The following NLGN1 variants were observed in gnomAD, a reference collection of about 807,000 sequenced individuals.
NLGN1 encodes neuroligin-1.
A neutral mutation model predicts 65.5 loss-of-function variants in NLGN1; 12 were observed. That is an observed-to-expected ratio of 0.18 (90% confidence interval 0.12 to 0.30). The LOEUF is 0.30. Ranked by LOEUF, NLGN1 falls within the 10% of genes least tolerant of loss-of-function variation. The pLI is 1.00. For missense variants in NLGN1, 750 were observed against 1,007.1 expected, an observed-to-expected ratio of 0.74 and a Z score of 3.46; for synonymous variants, 350 against 359.5, an observed-to-expected ratio of 0.97 and a Z score of 0.30.
At chr3:174,096,068 A>G (rs1745470390) in intron 4 of NLGN1, among the ~76,000 whole-genome samples, 1 of 151,820 alleles carries the variant, frequency 6.6e-6, no homozygotes, top group Admixed American at 6.6e-5. Context: ...AGCCTTATAT[A>G]CAAAGAGTGA....
intron 3 of NLGN1, among the ~76,000 whole-genome samples, chr3:173,691,437 G>T (rs1038183398): frequency 2.0e-5 from 3 of 151,916 alleles, no homozygotes; most frequent in African/African-American, 7.3e-5. Context: ...ATACAGTTTT[G>T]TTCAGTAGCT....
intron 4 of NLGN1, among the ~76,000 whole-genome samples, chr3:173,908,080 CT>C (rs1738823202): frequency 6.6e-6 from 1 of 152,150 alleles, no homozygotes; most frequent in South Asian, 2.1e-4. Context: ...AACAGGACAA[CT>C]TTTATAAAAA....
intron 4 of NLGN1, among the ~76,000 whole-genome samples, chr3:174,177,257 G>C (rs1039711428): frequency 1.3e-5 from 2 of 151,608 alleles, no homozygotes; most frequent in Non-Finnish European, 1.5e-5. Context: ...TCTAACAGAG[G>C]GTATTATAGG....
At chr3:173,541,733 A>G (rs1260206278) in intron 2 of NLGN1, among the ~76,000 whole-genome samples, 2 of 152,092 alleles carry the variant, frequency 1.3e-5, no homozygotes, top group Non-Finnish European at 2.9e-5. Flanking sequence ...GTAGTGCATT[A>G]CTTCAAAAGT....
intron 2 of NLGN1, among the ~76,000 whole-genome samples, chr3:173,516,169 T>C (rs895303288): frequency 6.6e-6 from 1 of 152,058 alleles, no homozygotes; most frequent in African/African-American, 2.4e-5. Flanking sequence ...TCCCTGATGA[T>C]AGTGACAGAT....
At chr3:173,492,454 A>G (rs993462847) in intron 2 of NLGN1, among the ~76,000 whole-genome samples, 5 of 151,814 alleles carry the variant, frequency 3.3e-5, no homozygotes, top group African/African-American at 1.2e-4. Context: ...CTTATGGGTC[A>G]ATCAAGCTGT....
At position 174,097,938 on chromosome 3, in the gene NLGN1, G is replaced by A. The variant is rs760635558; in HGVS notation, c.647-177377G>A. Among the ~76,000 whole-genome samples, 3 of 152,138 alleles carry A rather than the reference G, an allele frequency of 2.0e-5. 1 individual carries two copies. Among genetic ancestry groups the A allele is most frequent in the South Asian group, 2.1e-4 (1 of 4,830 alleles). ...TAACTGCCCGCCATTTAACTAACTCGTGTAGCTCTAAGCATGTGTCTGGAT... is the reference window on the plus strand; with the variant it reads ...TAACTGCCCGCCATTTAACTAACTCATGTAGCTCTAAGCATGTGTCTGGAT... On this transcript the variant is annotated intron_variant, in intron 4 of 6. Coordinates refer to ENST00000457714, the Ensembl canonical transcript of NLGN1.
intron 4 of NLGN1, among the ~76,000 whole-genome samples, chr3:173,809,625 G>A (rs978467863): frequency 2.0e-5 from 3 of 152,058 alleles, no homozygotes; most frequent in African/African-American, 4.8e-5. Flanking sequence ...TATTGGTTCT[G>A]TTTATATAAA....
At chr3:173,944,050 CA>C (rs973373484) in intron 4 of NLGN1, among the ~76,000 whole-genome samples, 25 of 151,522 alleles carry the variant, frequency 1.6e-4, no homozygotes, top group African/African-American at 6.1e-4. Context: ...AAGAAAAATA[CA>C]AAAACAAGGA....
At chr3:173,955,695 C>T (rs918439032) in intron 4 of NLGN1, among the ~76,000 whole-genome samples, 2 of 152,064 alleles carry the variant, frequency 1.3e-5, no homozygotes, top group African/African-American at 4.8e-5. Flanking sequence ...TTGACTTAAA[C>T]TTCAGATAAA....
At chr3:173,753,928 C>CATAATATAATATAATA (rs897532489) in intron 3 of NLGN1, among the ~76,000 whole-genome samples, 6 of 96,562 alleles carry the variant, frequency 6.2e-5, no homozygotes, top group African/African-American at 2.9e-4. Flanking sequence ...CCAGTATCTA[C>CATAATATAATATAATA]ATAATATAAT....
In NLGN1 at chr3:173,818,895, C is replaced by CTTTTT. The variant is rs200212547; in HGVS notation, c.646+11075_646+11079dup. Among the ~76,000 whole-genome samples, 43 of 92,386 alleles carry CTTTTT rather than the reference C, an allele frequency of 4.7e-4. 4 individuals carry two copies. The highest frequency in any genetic ancestry group is 1.4e-3 in the African/African-American group (29 of 21,220). 60.6% of individuals were successfully genotyped at this position (92,386 alleles called of 152,430 possible). On this transcript the variant is annotated intron_variant, in intron 4 of 6. Transcript: ENST00000457714. The stretch of plus-strand genomic sequence containing the variant: ...AATTTTGTTCTGCCTTTGAATAGTT[C>CTTTTT]TTTTTTTTTTTTTTTTCCAGTAAGG...
intron 4 of NLGN1, among the ~76,000 whole-genome samples, chr3:173,991,307 CAT>C (rs1560791724): frequency 2.6e-5 from 4 of 152,044 alleles, no homozygotes; most frequent in South Asian, 2.1e-4. Flanking sequence ...TCAATAAAAA[CAT>C]ATTATCTATA....
chr3:173,596,317 G>T (rs1222185899), intron 2 of NLGN1, among the ~76,000 whole-genome samples: 1 of 152,074 alleles, frequency 6.6e-6, no homozygotes, highest in South Asian at 2.1e-4. Flanking sequence ...AACTTTTGGG[G>T]GCTGCCCACG....
chr3:173,611,734 A>T (rs1344815496), intron 3 of NLGN1, among the ~76,000 whole-genome samples: 1 of 152,104 alleles, frequency 6.6e-6, no homozygotes, highest in African/African-American at 2.4e-5. Context: ...TTACTGACAG[A>T]CAGAGACAGT....
At chr3:174,220,115 T>C (rs1738364969) in intron 4 of NLGN1, among the ~76,000 whole-genome samples, 1 of 152,000 alleles carries the variant, frequency 6.6e-6, no homozygotes, top group South Asian at 2.1e-4. Context: ...GACCTTGCCC[T>C]GAGAGTCCAA....
At chr3:174,119,539 A>G (rs375820441) in intron 4 of NLGN1, among the ~76,000 whole-genome samples, 20 of 152,264 alleles carry the variant, frequency 1.3e-4, no homozygotes, top group African/African-American at 4.3e-4. Flanking sequence ...CATGTGCCCA[A>G]TCATTCTATG....
intron 4 of NLGN1, among the ~76,000 whole-genome samples, chr3:174,193,237 T>C (rs533736778): frequency 6.6e-6 from 1 of 152,294 alleles, no homozygotes; most frequent in Non-Finnish European, 1.5e-5. Context: ...TGCTTACTAT[T>C]GAGCAGGATA....
chr3:173,914,701 G>A (rs1740383006), intron 4 of NLGN1, among the ~76,000 whole-genome samples: 2 of 152,146 alleles, frequency 1.3e-5, no homozygotes, highest in South Asian at 2.1e-4. Context: ...CACTGAAACA[G>A]GAAGAGACTA....
Sources: gnomAD v4.1 joint callset for allele counts (sites outside exome capture counted in the v4.1 genomes callset) on GRCh38, gnomAD v4.1.1 for gene constraint, MANE v1.5 for transcripts, NCBI Gene and HGNC (gene_info 2026-07-23, HGNC 2026-07-21) for gene names.